GRIN2B: variants seen among roughly 807,000 people sequenced by gnomAD.
GRIN2B encodes the protein glutamate receptor ionotropic, NMDA 2B.
In GRIN2B, 5 loss-of-function variants were observed where a neutral mutation model predicts 114.5. The ratio of observed to expected loss-of-function variants is 0.04; its 90% CI spans 0.02 to 0.09. The LOEUF is 0.09. Among genes scored for constraint, GRIN2B ranks in the 10% least tolerant of loss-of-function variants. The probability of loss-of-function intolerance (pLI) is 1.00; values close to 1 mark genes in which losing one functional copy is unlikely to be tolerated. For synonymous variants in GRIN2B, 787 were observed against 745.1 expected, an observed-to-expected ratio of 1.06 and a Z score of -0.92; for missense variants, 1,108 against 1,943.5, an observed-to-expected ratio of 0.57 and a Z score of 8.08.
chr12:13,576,540 TTTTTTCTTTTTTC>T (rs1948779604), intron 10 of GRIN2B, among the ~76,000 whole-genome samples: 1 of 128,058 alleles, frequency 7.8e-6, no homozygotes, highest in East Asian at 2.3e-4. Context: ...CTTTATTTTC[TTTTTTCTTTTTTC>T]TTTTTTTTTT....
At chr12:13,680,933 A>G (rs557798358) in intron 4 of GRIN2B, among the ~76,000 whole-genome samples, 13 of 152,268 alleles carry the variant, frequency 8.5e-5, no homozygotes, top group Admixed American at 4.6e-4. Context: ...ATGGGCTCAG[A>G]GCCAATACAT....
intron 4 of GRIN2B, among the ~76,000 whole-genome samples, chr12:13,677,907 G>A (rs12580785): frequency 6.6e-6 from 1 of 151,938 alleles, no homozygotes; most frequent in Non-Finnish European, 1.5e-5. Context: ...AACTCTTTTA[G>A]TTCCGTAATT....
At chr12:13,626,821 C>A (rs1949573542) in intron 5 of GRIN2B, among the ~76,000 whole-genome samples, 1 of 87,666 alleles carries the variant, frequency 1.1e-5, no homozygotes, top group African/African-American at 4.4e-5. Context: ...CTCCCCCCCA[C>A]CCTCCCCCCT....
chr12:13,960,725 T>C (rs1407115828), intron 2 of GRIN2B, among the ~76,000 whole-genome samples: 3 of 152,168 alleles, frequency 2.0e-5, no homozygotes, highest in Non-Finnish European at 4.4e-5. Flanking sequence ...CAGAACTTCC[T>C]GATGTCAGGG....
At chr12:13,830,968 TG>T (rs1441048852) in intron 3 of GRIN2B, among the ~76,000 whole-genome samples, 1 of 152,222 alleles carries the variant, frequency 6.6e-6, no homozygotes, top group Non-Finnish European at 1.5e-5. Flanking sequence ...GGGAAGTGTT[TG>T]GGTCATGGAG....
At chr12:13,956,468 T>C (rs1416440137) in intron 2 of GRIN2B, among the ~76,000 whole-genome samples, 1 of 152,224 alleles carries the variant, frequency 6.6e-6, no homozygotes, top group Non-Finnish European at 1.5e-5. Flanking sequence ...ATCAGGGCAG[T>C]AACTCTTTCT....
intron 4 of GRIN2B, among the ~76,000 whole-genome samples, chr12:13,739,325 G>C (rs896919770): frequency 1.7e-5 from 2 of 120,510 alleles, no homozygotes; most frequent in Admixed American, 1.1e-4. Context: ...GGTGAGCTGA[G>C]ATTGCACCAT....
intron 10 of GRIN2B, among the ~76,000 whole-genome samples, chr12:13,578,950 G>A (rs940224405): frequency 2.0e-5 from 3 of 152,134 alleles, no homozygotes; most frequent in Non-Finnish European, 4.4e-5. Context: ...GGGGGAACAA[G>A]CTTGGTGTGA....
At chr12:13,842,816 AAAGCTCTTACACATAG>A (rs1054048697) in intron 3 of GRIN2B, among the ~76,000 whole-genome samples, 2 of 152,052 alleles carry the variant, frequency 1.3e-5, no homozygotes, top group Non-Finnish European at 2.9e-5. Context: ...TAATTCATAT[AAAGCTCTTACACATAG>A]CAAGGGCTCC....
At chr12:13,842,128 T>C (rs908487748) in intron 3 of GRIN2B, among the ~76,000 whole-genome samples, 11 of 152,066 alleles carry the variant, frequency 7.2e-5, no homozygotes, top group African/African-American at 1.4e-4. Flanking sequence ...CCAGTATGGG[T>C]CATGGGACAT....
At chr12:13,849,991 T>C (rs1456422662) in intron 3 of GRIN2B, among the ~76,000 whole-genome samples, 1 of 152,118 alleles carries the variant, frequency 6.6e-6, no homozygotes, top group Non-Finnish European at 1.5e-5. Context: ...AAGCCTCTGA[T>C]TATCCTGGGA....
chr12:13,572,252 A>T (rs1015661221), intron 10 of GRIN2B, among the ~76,000 whole-genome samples: 2 of 152,190 alleles, frequency 1.3e-5, no homozygotes, highest in Non-Finnish European at 2.9e-5. Flanking sequence ...TTTTATGTAC[A>T]CTACACAATA....
chr12:13,675,188 G>A (rs1430744881), intron 5 of GRIN2B, among the ~76,000 whole-genome samples: 2 of 152,100 alleles, frequency 1.3e-5, no homozygotes, highest in Non-Finnish European at 2.9e-5. Context: ...ATCAAGTAGT[G>A]AAGAGATTTG....
chr12:13,586,246 T>C (rs1186797850), intron 10 of GRIN2B, among the ~76,000 whole-genome samples: 1 of 152,176 alleles, frequency 6.6e-6, no homozygotes, highest in Non-Finnish European at 1.5e-5. Context: ...CCATACATGG[T>C]TTAGGACATT....
At position 13,562,078 on chromosome 12, in the gene GRIN2B, C is replaced by T. The variant is rs1948552332; in HGVS notation, c.*705G>A. 1 of 152,806 alleles carries T rather than the reference C, an allele frequency of 6.5e-6. No individual in the cohort carries two copies. The highest frequency in any genetic ancestry group is 2.1e-4 in the South Asian group (1 of 4,828). 9.5% of individuals were successfully genotyped at this position (152,806 alleles called of 1,614,324 possible). A position where few individuals can be genotyped will look rare whatever the true frequency, so the allele number is the denominator to read the frequency against. On this transcript the variant is annotated 3_prime_UTR_variant, in exon 14 of 14. Transcript: ENST00000609686. The stretch of plus-strand genomic sequence containing the variant: ...ACGCACAATCCACCTGCTCTTGTCC[C>T]CAAGGCACCGTGGGACACTATCATA...
intron 4 of GRIN2B, among the ~76,000 whole-genome samples, chr12:13,703,232 G>A (rs1322703086): frequency 6.6e-6 from 1 of 152,104 alleles, no homozygotes; most frequent in African/African-American, 2.4e-5. Context: ...GCTAGAGAAG[G>A]AGGGAAAGAA....
intron 4 of GRIN2B, among the ~76,000 whole-genome samples, chr12:13,698,323 C>A (rs76598066): frequency 0.054 from 8,237 of 152,302 alleles, 767 homozygotes; most frequent in African/African-American, 0.19. Flanking sequence ...ACAAGGAGAG[C>A]CCCTATAGAA....
At chr12:13,960,551 G>A (rs1358700602) in intron 2 of GRIN2B, among the ~76,000 whole-genome samples, 2 of 152,078 alleles carry the variant, frequency 1.3e-5, no homozygotes, top group African/African-American at 4.8e-5. Flanking sequence ...GGGCATGGAG[G>A]AGACCCCAAA....
At chr12:13,623,832 TA>T (rs1448766643) in intron 5 of GRIN2B, among the ~76,000 whole-genome samples, 2 of 152,230 alleles carry the variant, frequency 1.3e-5, no homozygotes, top group African/African-American at 4.8e-5. Flanking sequence ...GTTGGTTTCC[TA>T]CCTAACTTGT....
Sources: allele counts gnomAD v4.1 joint callset (sites outside exome capture counted in the v4.1 genomes callset), GRCh38; gene constraint gnomAD v4.1.1; transcripts MANE v1.5; gene names NCBI Gene and HGNC (gene_info 2026-07-23, HGNC 2026-07-21).